Variants in FRG1 observed in about 807,000 individuals in gnomAD.
FRG1 encodes the protein protein FRG1.
FRG1 carries 19 observed loss-of-function variants against 37.0 expected under a neutral mutation model. The observed-to-expected ratio is 0.51, with a 90% CI of 0.36 to 0.75. The LOEUF is 0.75. Ranked by LOEUF, FRG1 falls within the 30% of genes least tolerant of loss-of-function variation. The pLI, the probability that FRG1 is intolerant of heterozygous loss-of-function variation, is 0.00. For missense variants in FRG1, 243 were observed against 301.4 expected, an observed-to-expected ratio of 0.81 and a Z score of 1.44; for synonymous variants, 73 against 96.5, an observed-to-expected ratio of 0.76 and a Z score of 1.43.
intron 2 of FRG1, among the ~76,000 whole-genome samples, chr4:189,950,330 C>G (rs1736701910): frequency 6.6e-6 from 1 of 152,184 alleles, no homozygotes. Flanking sequence ...GCCTTTTACT[C>G]TGTTGATGGC....
intron 2 of FRG1, among the ~76,000 whole-genome samples, chr4:189,944,215 C>T (rs1237060264): frequency 1.3e-5 from 2 of 152,090 alleles, no homozygotes; most frequent in African/African-American, 4.8e-5. Flanking sequence ...CTCACTCTGT[C>T]TCCCAAGCTG....
intron 2 of FRG1, among the ~76,000 whole-genome samples, chr4:189,943,936 C>T (rs1350985074): frequency 6.6e-6 from 1 of 152,062 alleles, no homozygotes; most frequent in Non-Finnish European, 1.5e-5. Context: ...ATCAACAATT[C>T]TAAAATTAGG....
chr4:189,954,498 A>T (rs912658094), intron 4 of FRG1, among the ~76,000 whole-genome samples: 13 of 152,124 alleles, frequency 8.5e-5, no homozygotes, highest in African/African-American at 3.1e-4. Flanking sequence ...TATGTAATAT[A>T]TAAGGTACAA....
intron 6 of FRG1, among the ~76,000 whole-genome samples, chr4:189,960,283 T>C (rs2411550): frequency 0.35 from 53,248 of 151,962 alleles, 9,773 homozygotes; most frequent in African/African-American, 0.46. Context: ...GTAAAAGAGG[T>C]GGGTTCCAAT....
chr4:189,947,212 T>C (rs1736568734), intron 2 of FRG1, among the ~76,000 whole-genome samples: 1 of 152,218 alleles, frequency 6.6e-6, no homozygotes, highest in Non-Finnish European at 1.5e-5. Context: ...TTCTGTGTCC[T>C]TACTGATTTT....
intron 2 of FRG1, among the ~76,000 whole-genome samples, chr4:189,950,065 T>A (rs1227908535): frequency 1.3e-5 from 2 of 152,220 alleles, no homozygotes; most frequent in African/African-American, 4.8e-5. Context: ...TTTGTTTTGA[T>A]AATAGCTATT....
intron 2 of FRG1, among the ~76,000 whole-genome samples, chr4:189,945,148 A>G (rs1318980083): frequency 6.6e-6 from 1 of 152,186 alleles, no homozygotes; most frequent in Non-Finnish European, 1.5e-5. Flanking sequence ...TTCACTTATT[A>G]CTTCTAGTGG....
At chr4:189,957,011 A>C (rs953776945) in intron 5 of FRG1, among the ~76,000 whole-genome samples, 5 of 152,228 alleles carry the variant, frequency 3.3e-5, no homozygotes, top group Non-Finnish European at 7.4e-5. Context: ...TGAAGAAAAT[A>C]AATTTTACTT....
intron 2 of FRG1, among the ~76,000 whole-genome samples, chr4:189,946,746 T>A (rs1736545739): frequency 6.6e-6 from 1 of 152,264 alleles, no homozygotes; most frequent in Non-Finnish European, 1.5e-5. Flanking sequence ...TGTTGCTGAT[T>A]TCTAATTCAT....
At chr4:189,952,414 T>A (rs112537500) in intron 3 of FRG1, 127 bp downstream of exon 3, 132 of 740,728 alleles carry the variant, frequency 1.8e-4, no homozygotes, top group Non-Finnish European at 2.7e-4. Context: ...GACTCTTCCA[T>A]TTTTTTTTAA....
At chr4:189,948,054 G>A (rs1171888151) in intron 2 of FRG1, among the ~76,000 whole-genome samples, 2 of 152,020 alleles carry the variant, frequency 1.3e-5, no homozygotes, top group African/African-American at 2.4e-5. Context: ...ATGGTGGGAG[G>A]GCAAGTCCAT....
intron 6 of FRG1, among the ~76,000 whole-genome samples, chr4:189,959,667 G>T (rs1203758764): frequency 6.6e-6 from 1 of 152,178 alleles, no homozygotes; most frequent in East Asian, 1.9e-4. Flanking sequence ...AAATATATGT[G>T]CAGTGCTTTG....
chr4:189,943,364 A>G, intron 2 of FRG1, 92 bp downstream of exon 2: 7 of 1,432,108 alleles, frequency 4.9e-6, no homozygotes, highest in Non-Finnish European at 6.6e-6. Context: ...TTTATGATGT[A>G]TTCATATTTG....
Position 189,953,128 on chromosome 4 carries a change from G to A in FRG1, c.317+3G>A. 1 of 1,578,534 alleles carries A rather than the reference G, an allele frequency of 6.3e-7. No homozygotes were observed. Among genetic ancestry groups the A allele is most frequent in the Non-Finnish European group, 8.6e-7 (1 of 1,164,850 alleles). On this transcript the variant is annotated splice_donor_region_variant and intron_variant, in intron 4 of 8. Transcript: ENST00000226798. ...GCTGTCAAATTATCTGATTCCAGGT[G>A]AGCTTATGTTGTAATATAATTAGTA...
At chr4:189,951,983 G>A (rs1240764466) in intron 2 of FRG1, among the ~76,000 whole-genome samples, 179 bp from the exon 3 acceptor site, 2 of 152,190 alleles carry the variant, frequency 1.3e-5, no homozygotes, top group African/African-American at 4.8e-5. Context: ...GATTCTGACA[G>A]TGTATGATAC....
At chr4:189,951,204 T>G (rs1306261795) in intron 2 of FRG1, among the ~76,000 whole-genome samples, 1 of 152,110 alleles carries the variant, frequency 6.6e-6, no homozygotes, top group African/African-American at 2.4e-5. Flanking sequence ...TAGTTAAGAT[T>G]ACTGGCCAGG....
intron 7 of FRG1, 123 bp from the exon 8 acceptor site, chr4:189,961,699 C>T (rs955711656): frequency 5.2e-5 from 28 of 537,276 alleles, no homozygotes; most frequent in East Asian, 1.7e-4. Flanking sequence ...TGAGCCACTG[C>T]GCCTGGCCTA....
intron 4 of FRG1, among the ~76,000 whole-genome samples, 198 bp from the exon 5 acceptor site, chr4:189,954,839 T>C (rs1338602767): frequency 2.0e-5 from 3 of 152,162 alleles, no homozygotes; most frequent in Non-Finnish European, 4.4e-5. Context: ...CAAGCAATTC[T>C]CCCGTTGGCT....
chr4:189,950,333 T>C (rs979606039), intron 2 of FRG1, among the ~76,000 whole-genome samples: 5 of 152,230 alleles, frequency 3.3e-5, no homozygotes, highest in Non-Finnish European at 5.9e-5. Flanking sequence ...TTTTACTCTG[T>C]TGATGGCGGT....
Sources: allele counts gnomAD v4.1 joint callset (sites outside exome capture counted in the v4.1 genomes callset), GRCh38; gene constraint gnomAD v4.1.1; transcripts MANE v1.5; gene names NCBI Gene and HGNC (gene_info 2026-07-23, HGNC 2026-07-21).